The following SNX30 variants were observed in gnomAD, a reference collection of about 807,000 sequenced individuals.
The protein encoded by SNX30 is sorting nexin family member 30, also known as sorting nexin-30.
SNX30 carries 24 observed loss-of-function variants against 46.4 expected under a neutral mutation model. That is an observed-to-expected ratio of 0.52 (90% CI 0.37 to 0.73). The LOEUF (loss-of-function observed/expected upper bound fraction) is 0.73. SNX30 is among the 30% of genes least tolerant of loss of function. The probability of loss-of-function intolerance (pLI) is 0.00; values close to 1 mark genes in which losing one functional copy is unlikely to be tolerated. For missense variants in SNX30, 533 were observed against 555.7 expected (o/e 0.96, Z 0.41); for synonymous variants, 189 against 211.5 (o/e 0.89, Z 0.92).
chr9:112,859,896 A>G (rs1336763549), intron 7 of SNX30, among the ~76,000 whole-genome samples: 1 of 152,050 alleles, frequency 6.6e-6, no homozygotes, highest in East Asian at 1.9e-4. Flanking sequence ...GCATTTCACT[A>G]GTGATTATGA....
rs764891722 is a variant in SNX30, at chr9:112,868,828, A to G, written c.1299A>G (p.Lys433=). Residue 433 remains lysine, a synonymous_variant, in exon 9 of 9, where the codon AAA becomes AAG. Transcript: ENST00000374232. ...WESIIPLLQE[K]QEAK is the part of the protein sequence containing the mutation. ...CGATTATTCCACTACTGCAGGAGAA[A>G]CAAGAGGCCAAGTAAAGTTCTTTCT... 4.2e-5 allele frequency: 68 copies of G among 1,614,016 alleles called. 1 individual carries two copies. Among genetic ancestry groups the G allele is most frequent in the Non-Finnish European group, 5.6e-5 (66 of 1,179,992 alleles).
chr9:112,854,313 G>T (rs1841084293), intron 7 of SNX30, among the ~76,000 whole-genome samples: 1 of 152,210 alleles, frequency 6.6e-6, no homozygotes, highest in Admixed American at 6.5e-5. Context: ...CATTCCTGCG[G>T]GTCTGGGTGA....
At chr9:112,791,551 A>G (rs985434532) in intron 1 of SNX30, among the ~76,000 whole-genome samples, 6 of 151,790 alleles carry the variant, frequency 4.0e-5, no homozygotes, top group Non-Finnish European at 8.8e-5. Flanking sequence ...AGCTGAGACT[A>G]CAGGTGTGTG....
chr9:112,826,481 T>G (rs1159611672), intron 3 of SNX30, among the ~76,000 whole-genome samples: 1 of 152,118 alleles, frequency 6.6e-6, no homozygotes, highest in Non-Finnish European at 1.5e-5. Flanking sequence ...ACCAACCATA[T>G]TTTTATAGAT....
At chr9:112,785,281 TCA>T (rs1421063145) in intron 1 of SNX30, among the ~76,000 whole-genome samples, 1 of 152,028 alleles carries the variant, frequency 6.6e-6, no homozygotes, top group African/African-American at 2.4e-5. Flanking sequence ...GGTAGTGTGA[TCA>T]CAGCTCCCTG....
chr9:112,847,343 C>T (rs566632867), intron 6 of SNX30, among the ~76,000 whole-genome samples: 2 of 152,312 alleles, frequency 1.3e-5, no homozygotes, highest in Admixed American at 6.5e-5. Flanking sequence ...CTCTCTGTCA[C>T]GCTGCTCCCA....
At chr9:112,817,055 A>G (rs1725038927) in intron 2 of SNX30, among the ~76,000 whole-genome samples, 2 of 152,172 alleles carry the variant, frequency 1.3e-5, no homozygotes, top group African/African-American at 4.8e-5. Flanking sequence ...ATTTTTTCTT[A>G]TCTGTCTAAA....
intron 4 of SNX30, among the ~76,000 whole-genome samples, chr9:112,834,882 A>ACACACGCACC (rs56385707): frequency 3.8e-5 from 4 of 105,252 alleles, no homozygotes; most frequent in African/African-American, 1.2e-4. Context: ...ACACACACAC[A>ACACACGCACC]CCTACCTCAA....
At chr9:112,795,797 G>GCA (rs1259811803) in intron 1 of SNX30, among the ~76,000 whole-genome samples, 2 of 91,750 alleles carry the variant, frequency 2.2e-5, no homozygotes, top group Admixed American at 2.3e-4. Flanking sequence ...ACACACACAC[G>GCA]CACACATGAT....
intron 1 of SNX30, 120 bp from the exon 2 acceptor site, chr9:112,804,656 T>G: frequency 2.6e-6 from 2 of 779,734 alleles, no homozygotes; most frequent in Non-Finnish European, 4.0e-6. Context: ...GAGGCTCAGG[T>G]GTTTCGAAAG....
At chr9:112,817,963 C>A in intron 3 of SNX30, 148 bp downstream of exon 3, 2 of 580,140 alleles carry the variant, frequency 3.4e-6, no homozygotes, top group Non-Finnish European at 3.1e-6. Flanking sequence ...TACAATACTT[C>A]ACCTATTAGG....
intron 3 of SNX30, among the ~76,000 whole-genome samples, chr9:112,826,352 TG>T (rs1289530028): frequency 6.6e-6 from 1 of 152,094 alleles, no homozygotes; most frequent in African/African-American, 2.4e-5. Context: ...GAGAAATCAA[TG>T]GGATACAGTG....
intron 1 of SNX30, among the ~76,000 whole-genome samples, chr9:112,781,523 C>A (rs374166698): frequency 1.3e-5 from 2 of 152,106 alleles, no homozygotes; most frequent in East Asian, 3.8e-4. Flanking sequence ...TACTATTCAT[C>A]GAAATCAGAA....
intron 1 of SNX30, among the ~76,000 whole-genome samples, chr9:112,778,973 G>A (rs1839799305): frequency 1.3e-5 from 2 of 152,256 alleles, no homozygotes; most frequent in African/African-American, 2.4e-5. Flanking sequence ...CATCTTAGAG[G>A]AGGTATCTTT....
intron 4 of SNX30, among the ~76,000 whole-genome samples, chr9:112,834,843 A>AACAC (rs79118828): frequency 0.23 from 18,256 of 78,004 alleles, 1,342 homozygotes; most frequent in Non-Finnish European, 0.32. Context: ...CACACACACA[A>AACAC]ACACACACAC....
intron 1 of SNX30, among the ~76,000 whole-genome samples, chr9:112,775,050 T>C (rs746041582): frequency 6.6e-6 from 1 of 151,922 alleles, no homozygotes; most frequent in Non-Finnish European, 1.5e-5. Flanking sequence ...TTCACTGTGT[T>C]GGTCAGCCTG....
intron 1 of SNX30, among the ~76,000 whole-genome samples, chr9:112,752,647 CA>C (rs1464310997): frequency 1.4e-4 from 22 of 152,306 alleles, no homozygotes; most frequent in African/African-American, 5.3e-4. Flanking sequence ...TTCTTATCGA[CA>C]AAAATTGGTC....
chr9:112,836,160 T>A, intron 4 of SNX30, 54 bp from the exon 5 acceptor site: 1 of 1,491,904 alleles, frequency 6.7e-7, no homozygotes, highest in Middle Eastern at 2.4e-4. Context: ...TTTTATTTAG[T>A]CCTGCCCATG....
At chr9:112,821,460 T>G (rs1215773264) in intron 3 of SNX30, among the ~76,000 whole-genome samples, 1 of 152,106 alleles carries the variant, frequency 6.6e-6, no homozygotes, top group East Asian at 1.9e-4. Flanking sequence ...TATGTGTGTG[T>G]GTATATGTGT....
Sources: allele counts gnomAD v4.1 joint callset (sites outside exome capture counted in the v4.1 genomes callset), GRCh38; gene constraint gnomAD v4.1.1; transcripts MANE v1.5; gene names NCBI Gene and HGNC (gene_info 2026-07-23, HGNC 2026-07-21).